The following NDUFAF5 variants were observed in gnomAD, a reference collection of about 807,000 sequenced individuals.
NDUFAF5 encodes the protein arginine-hydroxylase NDUFAF5, mitochondrial.
Under a neutral mutation model 48.9 loss-of-function variants are expected in NDUFAF5, and 34 were observed. The ratio of observed to expected loss-of-function variants is 0.70; its 90% CI spans 0.53 to 0.93. The LOEUF (loss-of-function observed/expected upper bound fraction) is 0.93, where lower values mean the gene tolerates loss of function less well. Among genes scored for constraint, NDUFAF5 ranks in the 40% least tolerant of loss-of-function variants. NDUFAF5 has a pLI of 0.00. For missense variants in NDUFAF5, 428 were observed against 427.5 expected (o/e 1.00, Z -0.01); for synonymous variants, 153 against 150.6 (o/e 1.02, Z -0.12).
chr20:13,788,736 G>T (rs2147485333), intron 3 of NDUFAF5, 84 bp downstream of exon 3: 3 of 867,600 alleles, frequency 3.5e-6, no homozygotes, highest in Non-Finnish European at 5.6e-6. Flanking sequence ...AGTTTAGCTT[G>T]CAACATATTT....
At chr20:13,794,542 G>A (rs750470337) in intron 4 of NDUFAF5, among the ~76,000 whole-genome samples, 5 of 152,190 alleles carry the variant, frequency 3.3e-5, no homozygotes, top group African/African-American at 7.2e-5. Context: ...GCATCCCAAA[G>A]TGCAGGGATT....
rs1229014808 is a variant in NDUFAF5 at position 13,794,921 on chromosome 20, C to T, written c.459C>T (p.Asp153=). The T allele has an allele frequency of 6.2e-7, 1 of 1,609,292 alleles. No individual in the cohort carries two copies. The highest frequency in any genetic ancestry group is 8.5e-7 in the Non-Finnish European group (1 of 1,175,732). ...TTCCCTTCAAAGAAAATACATTTGACCTGGTGGTTAGCAGTTTAAGGTTGG... is the reference window on the plus strand; with the variant it reads ...TTCCCTTCAAAGAAAATACATTTGATCTGGTGGTTAGCAGTTTAAGGTTGG... ...EFLPFKENTF[D]LVVSSLSLHW... is the part of the protein sequence containing the mutation. Residue 153 remains aspartate, a synonymous_variant, in exon 5 of 11, where the codon GAC becomes GAT. Coordinates refer to ENST00000378106, the MANE Select transcript of NDUFAF5 (RefSeq NM_024120.5).
chr20:13,799,390 AT>A (rs1983759333), intron 6 of NDUFAF5, among the ~76,000 whole-genome samples: 1 of 152,098 alleles, frequency 6.6e-6, no homozygotes, highest in African/African-American at 2.4e-5. Flanking sequence ...AGATGTATTT[AT>A]TTTGCTGATT....
At chr20:13,787,396 G>A (rs374345393) in intron 2 of NDUFAF5, 44 bp downstream of exon 2, 18 of 1,557,798 alleles carry the variant, frequency 1.2e-5, no homozygotes, top group Non-Finnish European at 1.5e-5. Context: ...ACTTTTGAGT[G>A]GAAATTCAGG....
chr20:13,787,190 G>C (rs1166549096), intron 1 of NDUFAF5, 122 bp from the exon 2 acceptor site: 1 of 1,094,510 alleles, frequency 9.1e-7, no homozygotes, highest in Non-Finnish European at 1.4e-6. Flanking sequence ...AGTTCCTGTG[G>C]TGAAATTGAA....
intron 10 of NDUFAF5, 54 bp downstream of exon 10, chr20:13,817,011 G>A (rs1986550510): frequency 6.5e-7 from 1 of 1,546,370 alleles, no homozygotes. Context: ...TCAGATTATT[G>A]TTTACTAACT....
chr20:13,816,082 C>T (rs1280814432), intron 8 of NDUFAF5: 1 of 348,896 alleles, frequency 2.9e-6, no homozygotes, highest in South Asian at 2.4e-5. Flanking sequence ...ACCTGTCCTC[C>T]TCCAAAGAGC....
chr20:13,817,078 T>C (rs1333897787), intron 10 of NDUFAF5, 40 bp from the exon 11 acceptor site: 3 of 1,586,210 alleles, frequency 1.9e-6, no homozygotes, highest in Non-Finnish European at 2.6e-6. Context: ...CTGTGTATTA[T>C]CTATCTATTT....
chr20:13,793,360 A>T, intron 4 of NDUFAF5, 133 bp downstream of exon 4: 1 of 849,818 alleles, frequency 1.2e-6, no homozygotes, highest in East Asian at 2.7e-5. Flanking sequence ...AGGAAATATC[A>T]AGAACAAAGG....
At chr20:13,807,328 G>A (rs1039522396) in intron 7 of NDUFAF5, among the ~76,000 whole-genome samples, 1 of 152,106 alleles carries the variant, frequency 6.6e-6, no homozygotes, top group Non-Finnish European at 1.5e-5. Flanking sequence ...TTACAGGCAT[G>A]AGCCATCGTG....
At chr20:13,788,284 TG>T (rs1326633718) in intron 2 of NDUFAF5, among the ~76,000 whole-genome samples, 2 of 152,236 alleles carry the variant, frequency 1.3e-5, no homozygotes, top group Non-Finnish European at 2.9e-5. Context: ...TTAGCTTCTT[TG>T]CATTCTTTAT....
chr20:13,812,670 G>A (rs977817277), intron 8 of NDUFAF5, among the ~76,000 whole-genome samples: 4 of 152,080 alleles, frequency 2.6e-5, no homozygotes, highest in South Asian at 2.1e-4. Flanking sequence ...TAATTTTACC[G>A]GTGAGCAAAT....
intron 3 of NDUFAF5, among the ~76,000 whole-genome samples, chr20:13,790,096 G>C (rs992731999): frequency 6.6e-6 from 1 of 152,084 alleles, no homozygotes; most frequent in Non-Finnish European, 1.5e-5. Flanking sequence ...GTGATATAGT[G>C]ATGTTTAAGG....
At chr20:13,801,744 T>A in intron 7 of NDUFAF5, 61 bp downstream of exon 7, 1 of 1,439,350 alleles carries the variant, frequency 6.9e-7, no homozygotes, top group Non-Finnish European at 9.8e-7. Flanking sequence ...TTCTTATCAT[T>A]TTAAAGATAG....
intron 7 of NDUFAF5, among the ~76,000 whole-genome samples, chr20:13,806,510 C>T (rs897940730): frequency 5.9e-5 from 9 of 151,996 alleles, no homozygotes; most frequent in African/African-American, 1.2e-4. Flanking sequence ...AGTGAGACTC[C>T]GTCTCAAAAA....
At chr20:13,792,383 G>T (rs1237556170) in intron 3 of NDUFAF5, among the ~76,000 whole-genome samples, 6 of 152,232 alleles carry the variant, frequency 3.9e-5, no homozygotes, top group Non-Finnish European at 8.8e-5. Context: ...CTAGTAGGCT[G>T]TTGACAATGC....
chr20:13,799,450 G>T (rs1600351018), intron 6 of NDUFAF5, among the ~76,000 whole-genome samples: 1 of 152,150 alleles, frequency 6.6e-6, no homozygotes, highest in South Asian at 2.1e-4. Context: ...TGTAATCCCA[G>T]TACTTTGGGA....
intron 1 of NDUFAF5, among the ~76,000 whole-genome samples, chr20:13,785,779 TAA>T (rs1980964144): frequency 6.6e-6 from 1 of 152,212 alleles, no homozygotes; most frequent in African/African-American, 2.4e-5. Flanking sequence ...AATAGCTCAT[TAA>T]GAGCTTTTAT....
intron 7 of NDUFAF5, among the ~76,000 whole-genome samples, chr20:13,803,606 G>A (rs1034689725): frequency 6.6e-6 from 1 of 152,080 alleles, no homozygotes; most frequent in Non-Finnish European, 1.5e-5. Flanking sequence ...ACTACACACT[G>A]AAAAGTAATG....
Sources: allele counts gnomAD v4.1 joint callset (sites outside exome capture counted in the v4.1 genomes callset), GRCh38; gene constraint gnomAD v4.1.1; transcripts MANE v1.5; gene names NCBI Gene and HGNC (gene_info 2026-07-23, HGNC 2026-07-21).